ZNF501: variants seen among roughly 807,000 people sequenced by gnomAD.
ZNF501 encodes the protein zinc finger protein 52.
ZNF501 carries 7 observed loss-of-function variants against 5.7 expected under a neutral mutation model. That is an observed-to-expected ratio of 1.24 (90% CI 0.70 to 2.32). The LOEUF is 2.32. Ranked by LOEUF, ZNF501 falls within the 30% of genes most tolerant of loss-of-function variation. ZNF501 has a pLI of 0.00. For synonymous variants in ZNF501, 107 were observed against 101.9 expected (o/e 1.05, Z -0.30); for missense variants, 352 against 321.1 (o/e 1.10, Z -0.73).
rs1213423612 is a variant in ZNF501 at position 44,734,585 on chromosome 3, G to T, written c.164G>T (p.Cys55Phe). 2 of 1,614,204 alleles carry T rather than the reference G, an allele frequency of 1.2e-6. No homozygotes were observed. Among genetic ancestry groups the T allele is most frequent in the Non-Finnish European group, 1.7e-6 (2 of 1,180,030 alleles). The change falls in exon 3 of 3, where the codon TGT becomes TTT. Residue 55 changes from cysteine (C) to phenylalanine (F), a missense_variant. Coordinates refer to ENST00000620116, the MANE Select transcript of ZNF501 (RefSeq NM_001258280.2). ...RGEKPYVCSE[C>F]GSCFRKQSNL... ...GAGAAGCCCTATGTGTGCAGTGAATGTGGAAGTTGTTTCCGTAAACAGTCA... is the reference window on the plus strand; with the variant it reads ...GAGAAGCCCTATGTGTGCAGTGAATTTGGAAGTTGTTTCCGTAAACAGTCA...
At chr3:44,732,996 T>A (rs577875926) in intron 2 of ZNF501, among the ~76,000 whole-genome samples, 4 of 152,246 alleles carry the variant, frequency 2.6e-5, no homozygotes, top group African/African-American at 9.6e-5. Context: ...GCTAATTTTT[T>A]ATTTTTTGTA....
chr3:44,730,495 A>G (rs571085746), intron 1 of ZNF501, among the ~76,000 whole-genome samples: 2 of 152,382 alleles, frequency 1.3e-5, no homozygotes, highest in South Asian at 4.1e-4. Flanking sequence ...AAGCTTGAAA[A>G]TAATTGCTGG....
chr3:44,735,329 A>G lies in ZNF501; in HGVS notation c.*92A>G. ...GGAATGTAAGACTCAATCTGTAGCT[A>G]GTATGAATATTTTGTATTTTGAACA... is the stretch of plus-strand genomic sequence containing the variant. On this transcript the variant is annotated 3_prime_UTR_variant, in exon 3 of 3. Coordinates refer to ENST00000620116, the MANE Select transcript of ZNF501 (RefSeq NM_001258280.2). 2.7e-6 allele frequency: 3 copies of G among 1,115,994 alleles called. No homozygotes were observed. Among genetic ancestry groups the G allele is most frequent in the Non-Finnish European group, 3.8e-6 (3 of 787,520 alleles). 69.1% of individuals were successfully genotyped at this position (1,115,994 alleles called of 1,614,324 possible). A position where few individuals can be genotyped will look rare whatever the true frequency, so the allele number is the denominator to read the frequency against.
intron 2 of ZNF501, among the ~76,000 whole-genome samples, chr3:44,733,131 T>C (rs989267900): frequency 6.6e-6 from 1 of 152,210 alleles, no homozygotes; most frequent in African/African-American, 2.4e-5. Flanking sequence ...GCCTATCTTA[T>C]ATACTTCCAT....
rs1454481396 is a variant in ZNF501 at position 44,735,002 on chromosome 3, A to C, written c.581A>C (p.Glu194Ala). 2 of 1,614,026 alleles carry C rather than the reference A, an allele frequency of 1.2e-6. No homozygotes were observed. The highest frequency in any genetic ancestry group is 4.5e-5 in the East Asian group (2 of 44,882). Reference protein sequence around the residue: ...HSGEKPYTCTECGKAFTQNSS... With the variant: ...HSGEKPYTCTACGKAFTQNSS... ...GGAGAGAAGCCCTACACATGCACTG[A>C]ATGTGGTAAAGCCTTCACTCAGAAC... Residue 194 changes from glutamate (E) to alanine (A), a missense_variant, in exon 3 of 3, where the codon GAA becomes GCA. Physicochemically the swap from Glu to Ala is moderately radical, Grantham distance 107. Transcript: ENST00000620116.
chr3:44,736,277 T>C lies in ZNF501; in HGVS notation c.*1040T>C, dbSNP rs1424348104. 6.0e-6 allele frequency: 1 copy of C among 167,088 alleles called. No homozygotes were observed. Among genetic ancestry groups the C allele is most frequent in the East Asian group, 1.9e-4 (1 of 5,196 alleles). The allele number at this position is 167,088 out of a possible 1,614,324, so 10.4% of individuals were successfully genotyped here. On this transcript the variant is annotated 3_prime_UTR_variant, in exon 3 of 3. Transcript: ENST00000620116. ...AAGCAAAGAAATCAAAGAATACTTT[T>C]GATGGAGCTTTAGGCTATGCTAAGC...
chr3:44,734,389 A>G lies in ZNF501; in HGVS notation c.-33A>G, dbSNP rs1173423965. 6.3e-7 allele frequency: 1 copy of G among 1,584,766 alleles called. No individual in the cohort carries two copies. The highest frequency in any genetic ancestry group is 2.2e-5 in the East Asian group (1 of 44,592). On this transcript the variant is annotated 5_prime_UTR_variant, in exon 3 of 3. Transcript: ENST00000620116. The stretch of plus-strand genomic sequence containing the variant: ...TGATAATCACCTTTGAGGAAAAAAA[A>G]CTTGTAAGTATGAATTTGGTGTTAC...
At position 44,729,661 on chromosome 3, in the gene ZNF501, G is replaced by A. The variant is rs1230713347; in HGVS notation, c.-665G>A. The stretch of plus-strand genomic sequence containing the variant: ...CTCCTTTCCGCAGGGCAGCACCCAG[G>A]GACCTGAGTGTTGCAAGGTGCGAGA... On this transcript the variant is annotated 5_prime_UTR_variant, in exon 1 of 3. Coordinates refer to ENST00000620116, the MANE Select transcript of ZNF501 (RefSeq NM_001258280.2). The A allele has an allele frequency of 1.3e-5, 2 of 152,352 alleles. No individual in the cohort carries two copies. Among genetic ancestry groups the A allele is most frequent in the Admixed American group, 6.5e-5 (1 of 15,290 alleles). The allele number at this position is 152,352 out of a possible 1,614,324, so 9.4% of individuals were successfully genotyped here. A position where few individuals can be genotyped will look rare whatever the true frequency, so the allele number is the denominator to read the frequency against.
chr3:44,732,652 A>AT (rs1362584901), intron 2 of ZNF501, among the ~76,000 whole-genome samples: 2 of 152,224 alleles, frequency 1.3e-5, no homozygotes, highest in Admixed American at 6.5e-5. Context: ...TCTAAGACAC[A>AT]TTTTTTAGTG....
At position 44,729,847 on chromosome 3, in the gene ZNF501, T is replaced by A. The variant is rs1194003973; in HGVS notation, c.-479T>A. 1 of 152,164 alleles carries A rather than the reference T, an allele frequency of 6.6e-6. No individual in the cohort carries two copies. The highest frequency in any genetic ancestry group is 1.5e-5 in the Non-Finnish European group (1 of 68,036). 9.4% of individuals were successfully genotyped at this position (152,164 alleles called of 1,614,324 possible). ...CCCGAGGCCTAGGGCAAACTTGCCA[T>A]GAAGAAAGGAGAGGCTGTTCGAGAG... On this transcript the variant is annotated 5_prime_UTR_variant, in exon 1 of 3. It removes an upstream start codon present in the reference 5' UTR. Transcript: ENST00000620116.
rs910024882 is a variant in ZNF501 at position 44,736,722 on chromosome 3, TCAC to T, written c.*1488_*1490del. ...GGTATTAATTGTTTTAATCTGCAGT[TCAC>T]CAATAATATATGAATTTAGCATCTT... On this transcript the variant is annotated 3_prime_UTR_variant, in exon 3 of 3. Coordinates refer to ENST00000620116, the MANE Select transcript of ZNF501 (RefSeq NM_001258280.2). 3.6e-5 allele frequency: 6 copies of T among 167,136 alleles called. No individual in the cohort carries two copies. Among genetic ancestry groups the T allele is most frequent in the Admixed American group, 6.5e-5 (1 of 15,290 alleles). The allele number at this position is 167,136 out of a possible 1,614,324, so 10.4% of individuals were successfully genotyped here.
rs1704662561 is a variant in ZNF501, at chr3:44,734,542, C to T, written c.121C>T (p.Gln41Ter). Residue 41 changes from glutamine (Q) to a stop codon, truncating the protein, a stop_gained, in exon 3 of 3, where the codon CAG (glutamine) becomes TAG (stop). Transcript: ENST00000620116. LOFTEE classifies it high-confidence loss of function. ...TCAGAGATCATCTCTTACCCAGCAC[C>T]AGAGGATTCACAGAGGAGAGAAGCC... ...FTQRSSLTQH[Q>*]RIHRGEKPYV... The T allele has an allele frequency of 5.0e-6, 8 of 1,614,150 alleles. No individual in the cohort carries two copies. Among genetic ancestry groups the T allele is most frequent in the Non-Finnish European group, 6.8e-6 (8 of 1,180,028 alleles).
rs572894044 is a variant in ZNF501, at chr3:44,733,704, T to C, written c.-225-493T>C. Among the ~76,000 whole-genome samples, 23 of 152,330 alleles carry C rather than the reference T, an allele frequency of 1.5e-4. No homozygotes were observed. The East Asian group carries it at 4.4e-3, about 29-fold the overall frequency. On this transcript the variant is annotated intron_variant, in intron 2 of 2. Coordinates refer to ENST00000620116, the MANE Select transcript of ZNF501 (RefSeq NM_001258280.2). Reference sequence around the variant, plus strand: ...ACAAAACAGTGATATCTTACTTTCTTTCAGTAAGCAGGACTCTAGTTTTCA... The same window carrying C: ...ACAAAACAGTGATATCTTACTTTCTCTCAGTAAGCAGGACTCTAGTTTTCA...
In ZNF501 at chr3:44,734,541, C is replaced by T. The variant is rs912531678; in HGVS notation, c.120C>T (p.His40=). 1.2e-6 allele frequency: 2 copies of T among 1,613,952 alleles called. No individual in the cohort carries two copies. The highest frequency in any genetic ancestry group is 1.3e-5 in the African/African-American group (1 of 74,884). Residue 40 remains histidine (H), a synonymous_variant, in exon 3 of 3, where the codon CAC becomes CAT. Coordinates refer to ENST00000620116, the MANE Select transcript of ZNF501 (RefSeq NM_001258280.2). ...FFTQRSSLTQ[H]QRIHRGEKPY... ...CTCAGAGATCATCTCTTACCCAGCA[C>T]CAGAGGATTCACAGAGGAGAGAAGC...
chr3:44,733,023 A>G (rs970633202), intron 2 of ZNF501, among the ~76,000 whole-genome samples: 5 of 152,094 alleles, frequency 3.3e-5, no homozygotes, highest in Non-Finnish European at 5.9e-5. Flanking sequence ...GCATCTCACT[A>G]TGTTGCCTAG....
At position 44,735,465 on chromosome 3, in the gene ZNF501, G is replaced by A. The variant is rs146462196; in HGVS notation, c.*228G>A. ...CTCAGTTTCCCCATTCCCCCCAATAGAAAAATGGGGATATTTCCTAGGGTT... is the reference window on the plus strand; with the variant it reads ...CTCAGTTTCCCCATTCCCCCCAATAAAAAAATGGGGATATTTCCTAGGGTT... On this transcript the variant is annotated 3_prime_UTR_variant, in exon 3 of 3. Transcript: ENST00000620116. 1.3e-4 allele frequency: 49 copies of A among 384,070 alleles called. No individual in the cohort carries two copies. The highest frequency in any genetic ancestry group is 2.4e-5 in the Non-Finnish European group (5 of 205,664). 23.8% of individuals were successfully genotyped at this position (384,070 alleles called of 1,614,324 possible). A position where few individuals can be genotyped will look rare whatever the true frequency, so the allele number is the denominator to read the frequency against.
rs530018987 is a variant in ZNF501 at position 44,731,548 on chromosome 3, A to C, written c.-238A>C. ...AGCCAGTATTGCTTGTGCTCCTAAC[A>C]ACCTGTCTCTTGGTAAGTTAACTCT... On this transcript the variant is annotated 5_prime_UTR_variant, in exon 2 of 3. Coordinates refer to ENST00000620116, the MANE Select transcript of ZNF501 (RefSeq NM_001258280.2). The C allele has an allele frequency of 6.6e-6, 1 of 152,326 alleles. No homozygotes were observed. The highest frequency in any genetic ancestry group is 2.1e-4 in the South Asian group (1 of 4,830). The allele number at this position is 152,326 out of a possible 1,614,324, so 9.4% of individuals were successfully genotyped here.
chr3:44,733,372 A>G (rs1324433144), intron 2 of ZNF501, among the ~76,000 whole-genome samples: 2 of 152,172 alleles, frequency 1.3e-5, no homozygotes, highest in Non-Finnish European at 2.9e-5. Context: ...TCAATTAAAT[A>G]TTTTGTTCTT....
At chr3:44,732,394 T>C (rs1341326800) in intron 2 of ZNF501, 1 of 152,256 alleles carries the variant, frequency 6.6e-6, no homozygotes, top group Non-Finnish European at 1.5e-5. Flanking sequence ...AAAAATGTGC[T>C]TAGAGTTTTG....
Sources: allele counts gnomAD v4.1 joint callset (sites outside exome capture counted in the v4.1 genomes callset), GRCh38; gene constraint gnomAD v4.1.1; transcripts MANE v1.5; gene names NCBI Gene and HGNC (gene_info 2026-07-23, HGNC 2026-07-21).